XKR4: variants seen among roughly 807,000 people sequenced by gnomAD.
The protein encoded by XKR4 is XK-related protein 4.
A neutral mutation model predicts 53.9 loss-of-function variants in XKR4; 12 were observed. The ratio of observed to expected loss-of-function variants is 0.22; its 90% CI spans 0.14 to 0.36. XKR4 has a LOEUF of 0.36. Among genes scored for constraint, XKR4 ranks in the 10% least tolerant of loss-of-function variants. The probability of loss-of-function intolerance (pLI) is 1.00; values close to 1 mark genes in which losing one functional copy is unlikely to be tolerated. For synonymous variants in XKR4, 354 were observed against 362.4 expected, an observed-to-expected ratio of 0.98 and a Z score of 0.26; for missense variants, 799 against 859.5, an observed-to-expected ratio of 0.93 and a Z score of 0.88.
At chr8:55,491,353 C>T (rs920555419) in intron 2 of XKR4, among the ~76,000 whole-genome samples, 4 of 152,104 alleles carry the variant, frequency 2.6e-5, no homozygotes, top group African/African-American at 9.7e-5. Flanking sequence ...TTTTCTGTAG[C>T]TTTACATTGT....
chr8:55,333,202 G>T (rs775439671), intron 1 of XKR4, among the ~76,000 whole-genome samples: 1 of 151,418 alleles, frequency 6.6e-6, no homozygotes, highest in Non-Finnish European at 1.5e-5. Flanking sequence ...TTAAAGTCTT[G>T]TTTAGTAAGT....
In XKR4 at chr8:55,490,005, C is replaced by A. The variant is rs560301077; in HGVS notation, c.1007-33276C>A. Reference sequence around the variant, plus strand: ...CCATGGTACATTATAATTGTTTTTGCCTAAATAGTTATGTTTTACATAAAT... The same window carrying A: ...CCATGGTACATTATAATTGTTTTTGACTAAATAGTTATGTTTTACATAAAT... On this transcript the variant is annotated intron_variant, in intron 2 of 2. Coordinates refer to ENST00000327381, the MANE Select transcript of XKR4 (RefSeq NM_052898.2). Among the ~76,000 whole-genome samples the A allele has an allele frequency of 8.9e-4, 135 of 152,182 alleles. 1 individual carries two copies. The highest frequency in any genetic ancestry group is 3.1e-3 in the South Asian group (15 of 4,822).
At chr8:55,145,747 G>T (rs1049455553) in intron 1 of XKR4, among the ~76,000 whole-genome samples, 1 of 152,218 alleles carries the variant, frequency 6.6e-6, no homozygotes, top group African/African-American at 2.4e-5. Flanking sequence ...GCTCATGAAA[G>T]TACATTTCTA....
intron 2 of XKR4, among the ~76,000 whole-genome samples, chr8:55,415,880 G>T (rs954035975): frequency 6.6e-6 from 1 of 152,144 alleles, no homozygotes; most frequent in Non-Finnish European, 1.5e-5. Flanking sequence ...TGCGGTGCCT[G>T]GCGTAAAGTA....
chr8:55,450,676 C>G, intron 2 of XKR4: 1 of 591,928 alleles, frequency 1.7e-6, no homozygotes, highest in South Asian at 1.6e-5. Flanking sequence ...GCTGCTCTGT[C>G]CAGCCAGAAT....
At chr8:55,122,395 A>G (rs1282044733) in intron 1 of XKR4, among the ~76,000 whole-genome samples, 1 of 152,242 alleles carries the variant, frequency 6.6e-6, no homozygotes, top group African/African-American at 2.4e-5. Flanking sequence ...TGAAAATTTT[A>G]CATGATGCAT....
chr8:55,373,641 A>G (rs1804105925), intron 2 of XKR4, among the ~76,000 whole-genome samples: 1 of 152,236 alleles, frequency 6.6e-6, no homozygotes. Flanking sequence ...GTTAAAATTC[A>G]TATTTTAAAA....
At chr8:55,498,763 A>T (rs1332459304) in intron 2 of XKR4, among the ~76,000 whole-genome samples, 10 of 152,098 alleles carry the variant, frequency 6.6e-5, no homozygotes. Context: ...ACAGAATGAG[A>T]CCCTGAGAGA....
chr8:55,158,886 T>G (rs1816944877), intron 1 of XKR4, among the ~76,000 whole-genome samples: 1 of 152,236 alleles, frequency 6.6e-6, no homozygotes, highest in Non-Finnish European at 1.5e-5. Flanking sequence ...ACTGTAGCCT[T>G]GTAGTGTATG....
chr8:55,453,113 G>T, intron 2 of XKR4: 2 of 541,036 alleles, frequency 3.7e-6, no homozygotes, highest in Admixed American at 2.1e-5. Context: ...ATATGAGTCT[G>T]CATGTCCCAG....
chr8:55,488,242 A>G (rs1302368258), intron 2 of XKR4, among the ~76,000 whole-genome samples: 2 of 152,156 alleles, frequency 1.3e-5, no homozygotes, highest in Admixed American at 6.5e-5. Context: ...GGCAACAGGA[A>G]CTCTTATTCA....
rs1817602476 is a variant in XKR4 at position 55,203,406 on chromosome 8, G to T, written c.806+100112G>T. On this transcript the variant is annotated intron_variant, in intron 1 of 2. Coordinates refer to ENST00000327381, the MANE Select transcript of XKR4 (RefSeq NM_052898.2). ...TTATTGCACCTAGTTACTTTCAGGG[G>T]AGCCATGAGCTATCCCTGTGTTTCC... is the stretch of plus-strand genomic sequence containing the variant. Among the ~76,000 whole-genome samples, 3 of 152,316 alleles carry T rather than the reference G, an allele frequency of 2.0e-5. No homozygotes were observed. In the East Asian group the frequency reaches 5.8e-4, roughly 29 times the overall value.
chr8:55,395,246 G>A (rs1804498734), intron 2 of XKR4, among the ~76,000 whole-genome samples: 1 of 152,046 alleles, frequency 6.6e-6, no homozygotes. Flanking sequence ...CTCTTCCCAT[G>A]AGAACCACTG....
intron 1 of XKR4, among the ~76,000 whole-genome samples, chr8:55,355,922 AG>A (rs2129384168): frequency 6.6e-6 from 1 of 152,354 alleles, no homozygotes; most frequent in African/African-American, 2.4e-5. Context: ...AGACTCTAAA[AG>A]TAGGTACCAA....
intron 1 of XKR4, chr8:55,140,334 C>T (rs1158917921): frequency 4.6e-6 from 1 of 218,408 alleles, no homozygotes; most frequent in African/African-American, 2.3e-5. Context: ...TGTTTGGGTC[C>T]ATTCGTTTGT....
intron 2 of XKR4, among the ~76,000 whole-genome samples, chr8:55,392,996 A>G (rs1804463744): frequency 6.6e-6 from 1 of 152,108 alleles, no homozygotes; most frequent in African/African-American, 2.4e-5. Context: ...GATGAGGGGA[A>G]GTTCTTATTA....
intron 1 of XKR4, among the ~76,000 whole-genome samples, chr8:55,197,705 G>T (rs1009846250): frequency 4.3e-4 from 66 of 152,064 alleles, no homozygotes; most frequent in Admixed American, 4.3e-3. Context: ...CACCACGCCT[G>T]GCTAGTTTTT....
intron 1 of XKR4, among the ~76,000 whole-genome samples, chr8:55,127,689 G>T (rs909837709): frequency 1.0e-5 from 1 of 97,934 alleles, no homozygotes; most frequent in African/African-American, 3.2e-5. Context: ...CCATGAACTC[G>T]TCATTTAGCT....
At chr8:55,453,067 G>T (rs1353570215) in intron 2 of XKR4, 3 of 593,408 alleles carry the variant, frequency 5.1e-6, no homozygotes, top group Admixed American at 3.8e-5. Context: ...CTGGGCTGGG[G>T]CCTGATCCTC....
Sources: allele counts gnomAD v4.1 joint callset (sites outside exome capture counted in the v4.1 genomes callset), GRCh38; gene constraint gnomAD v4.1.1; transcripts MANE v1.5; gene names NCBI Gene and HGNC (gene_info 2026-07-23, HGNC 2026-07-21).